The following GCN1 variants were observed in gnomAD, a reference collection of about 807,000 sequenced individuals.
The protein encoded by GCN1 is stalled ribosome sensor GCN1.
A neutral mutation model predicts 288.4 loss-of-function variants in GCN1; 90 were observed. The observed-to-expected ratio is 0.31, with a 90% confidence interval of 0.26 to 0.37. GCN1 has a LOEUF of 0.37. Among genes scored for constraint, GCN1 ranks in the 10% least tolerant of loss-of-function variants. The pLI is 1.00. For missense variants in GCN1, 2,586 were observed against 3,419.9 expected, an observed-to-expected ratio of 0.76 and a Z score of 6.08; for synonymous variants, 1,386 against 1,420.2, an observed-to-expected ratio of 0.98 and a Z score of 0.54.
intron 45 of GCN1, 54 bp from the exon 46 acceptor site, chr12:120,138,910 G>A: frequency 2.0e-6 from 3 of 1,519,586 alleles, no homozygotes; most frequent in South Asian, 2.4e-5. Flanking sequence ...AGAAGGAGCA[G>A]AAGCAGACAA....
chr12:120,149,547 TG>T, intron 36 of GCN1, 58 bp downstream of exon 36: 1 of 1,210,662 alleles, frequency 8.3e-7, no homozygotes, highest in Non-Finnish European at 1.2e-6. Context: ...CCAGGATCCT[TG>T]CTGAGGCTGG....
At chr12:120,178,590 T>C (rs1198393066) in intron 7 of GCN1, 35 bp downstream of exon 7, 23 of 1,612,322 alleles carry the variant, frequency 1.4e-5, no homozygotes, top group Non-Finnish European at 1.9e-5. Flanking sequence ...ATCCCCAACA[T>C]AGCAAACCCA....
intron 56 of GCN1, 65 bp from the exon 57 acceptor site, chr12:120,129,559 A>G: frequency 8.4e-7 from 1 of 1,189,910 alleles, no homozygotes. Flanking sequence ...AGCAGCCCAA[A>G]TGCCCAGCCT....
chr12:120,188,013 C>T lies in GCN1; in HGVS notation c.121+2285G>A, dbSNP rs532013161. ...GATAATCAGATATGCTCAGCATTTC[C>T]CAAAATGTGTTCCCCAGACCCTCAA... is the stretch of plus-strand genomic sequence containing the variant. On this transcript the variant is annotated intron_variant, in intron 2 of 57. Coordinates refer to ENST00000300648, the MANE Select transcript of GCN1 (RefSeq NM_006836.2). Among the ~76,000 whole-genome samples, 4 of 152,208 alleles carry T rather than the reference C, an allele frequency of 2.6e-5. No homozygotes were observed. The South Asian group carries it at 8.3e-4, about 32-fold the overall frequency.
Position 120,141,564 on chromosome 12 carries a change from G to A in GCN1, c.5830-541C>T, listed in dbSNP as rs761114212. Among the ~76,000 whole-genome samples, 5 of 152,264 alleles carry A rather than the reference G, an allele frequency of 3.3e-5. No homozygotes were observed. The East Asian group carries it at 7.7e-4, about 24-fold the overall frequency. On this transcript the variant is annotated intron_variant, in intron 44 of 57. Coordinates refer to ENST00000300648, the MANE Select transcript of GCN1 (RefSeq NM_006836.2). Reference sequence around the variant, plus strand: ...CTGATCTGTCTGCCCCTGCCAGCGCGCCAGCCTGATCTCATGCCGCACTGC... The same window carrying A: ...CTGATCTGTCTGCCCCTGCCAGCGCACCAGCCTGATCTCATGCCGCACTGC...
intron 1 of GCN1, among the ~76,000 whole-genome samples, chr12:120,193,226 C>A (rs1879063012): frequency 6.6e-6 from 1 of 152,184 alleles, no homozygotes; most frequent in Non-Finnish European, 1.5e-5. Flanking sequence ...GAAATATTCT[C>A]CTGCACCACC....
chr12:120,147,217 C>T lies in GCN1; in HGVS notation c.4782G>A (p.Lys1594=). Residue 1594 remains lysine (K), a synonymous_variant, in exon 38 of 58, where the codon AAG becomes AAA. Transcript: ENST00000300648. ...TGGTGTCCAGCAGGGTCTGCAAGCA[C>T]TTCTGGGTCTTCCTGGAGGGATCCG... ...ALTDPSRKTQ[K]CLQTLLDTKF... 2 of 1,613,080 alleles carry T rather than the reference C, an allele frequency of 1.2e-6. No individual in the cohort carries two copies. Among genetic ancestry groups the T allele is most frequent in the Non-Finnish European group, 1.7e-6 (2 of 1,179,218 alleles).
chr12:120,134,834 A>G lies in GCN1; in HGVS notation c.7009-108T>C. 1 of 934,648 alleles carries G rather than the reference A, an allele frequency of 1.1e-6. No individual in the cohort carries two copies. The highest frequency in any genetic ancestry group is 1.7e-6 in the Non-Finnish European group (1 of 594,906). The allele number at this position is 934,648 out of a possible 1,614,324, so 57.9% of individuals were successfully genotyped here. On this transcript the variant is annotated intron_variant, in intron 51 of 57. Transcript: ENST00000300648. This position sits in a 1 kb window ranked among gnomAD's most constrained non-coding sequence, Gnocchi z 5.0. ...AATCCCAAACCACCACAGCGAGTCC[A>G]GCTCTCATACAGGGCTGGGGACAGA...
At position 120,192,979 on chromosome 12, in the gene GCN1, T is replaced by C. The variant is rs572121676; in HGVS notation, c.18+1701A>G. Among the ~76,000 whole-genome samples the C allele has an allele frequency of 3.3e-5, 5 of 152,248 alleles. No individual in the cohort carries two copies. The South Asian group carries it at 1.0e-3, about 32-fold the overall frequency. On this transcript the variant is annotated intron_variant, in intron 1 of 57. Coordinates refer to ENST00000300648, the MANE Select transcript of GCN1 (RefSeq NM_006836.2). Reference sequence around the variant, plus strand: ...TGAACCTGGGAGGCAGAGGTTGCAGTGAGTTCAGATCGTGCCATTGCACTC... The same window carrying C: ...TGAACCTGGGAGGCAGAGGTTGCAGCGAGTTCAGATCGTGCCATTGCACTC...
intron 2 of GCN1, among the ~76,000 whole-genome samples, chr12:120,189,370 CTT>C (rs1278473363): frequency 1.4e-4 from 19 of 134,220 alleles, no homozygotes; most frequent in East Asian, 2.1e-4. Context: ...CACACCCAGG[CTT>C]TTTTTTTTTT....
At position 120,134,442 on chromosome 12, in the gene GCN1, C is replaced by T. The variant is rs750069195; in HGVS notation, c.7203-37G>A. Reference sequence around the variant, plus strand: ...ATGCACCGCCTTAAGCCCTGGGTGCCTCCACCACCACCCCTCCTGCCAGCG... The same window carrying T: ...ATGCACCGCCTTAAGCCCTGGGTGCTTCCACCACCACCCCTCCTGCCAGCG... On this transcript the variant is annotated intron_variant, in intron 52 of 57. Coordinates refer to ENST00000300648, the MANE Select transcript of GCN1 (RefSeq NM_006836.2). The surrounding 1 kb of genome is among the most constrained non-coding windows in gnomAD (Gnocchi z 5.0). 6.3e-7 allele frequency: 1 copy of T among 1,584,906 alleles called. No homozygotes were observed. Among genetic ancestry groups the T allele is most frequent in the South Asian group, 1.1e-5 (1 of 90,520 alleles).
Position 120,183,475 on chromosome 12 carries a change from C to A in GCN1, c.426+94G>T, listed in dbSNP as rs1878728916. ...TCAGAGTGTCTGGTCACCCAGCACC[C>A]AGAAAAGCACTTGGCACCAAGAAGG... On this transcript the variant is annotated intron_variant, in intron 5 of 57. Coordinates refer to ENST00000300648, the MANE Select transcript of GCN1 (RefSeq NM_006836.2). 23 of 819,500 alleles carry A rather than the reference C, an allele frequency of 2.8e-5. No individual in the cohort carries two copies. The South Asian group carries it at 3.2e-4, about 11-fold the overall frequency. 50.8% of individuals were successfully genotyped at this position (819,500 alleles called of 1,614,324 possible). A position where few individuals can be genotyped will look rare whatever the true frequency, so the allele number is the denominator to read the frequency against.
chr12:120,172,625 T>C (rs1213102059), intron 14 of GCN1, among the ~76,000 whole-genome samples: 5 of 152,104 alleles, frequency 3.3e-5, no homozygotes, highest in Non-Finnish European at 7.4e-5. Flanking sequence ...TTCTCCTGCC[T>C]CAGCCTCCCG....
At chr12:120,138,916 G>A (rs1877099418) in intron 45 of GCN1, 60 bp from the exon 46 acceptor site, 2 of 1,486,612 alleles carry the variant, frequency 1.3e-6, no homozygotes, top group African/African-American at 1.4e-5. Context: ...AGCAGAAGCA[G>A]ACAAGAAGCA....
chr12:120,149,959 A>T lies in GCN1; in HGVS notation c.4394T>A (p.Leu1465His). Residue 1465 changes from leucine (L) to histidine (H), a missense_variant, in exon 35 of 58, where the codon CTC becomes CAC. Leu to His is a moderately conservative substitution (Grantham distance 99, BLOSUM62 -3). Transcript: ENST00000300648. ...PYVVHVLPHL[L>H]LCFGDGNQYV... ...CTGGTTTCCATCCCCAAAGCACAGG[A>T]GCAGATGGGGCAGCACGTGAACCAC... 6.2e-7 allele frequency: 1 copy of T among 1,614,092 alleles called. No individual in the cohort carries two copies. Among genetic ancestry groups the T allele is most frequent in the Non-Finnish European group, 8.5e-7 (1 of 1,179,982 alleles).
intron 2 of GCN1, among the ~76,000 whole-genome samples, chr12:120,188,747 G>C (rs1315278556): frequency 6.6e-6 from 1 of 151,378 alleles, no homozygotes; most frequent in African/African-American, 2.4e-5. Flanking sequence ...TACTCCAGAG[G>C]CTGAGGCAGA....
intron 5 of GCN1, among the ~76,000 whole-genome samples, chr12:120,180,986 C>T (rs55749837): frequency 0.026 from 3,691 of 141,768 alleles, 155 homozygotes; most frequent in African/African-American, 0.092. Flanking sequence ...AGCGAGACTC[C>T]GTCTCAAAAA....
At position 120,134,620 on chromosome 12, in the gene GCN1, C is replaced by T. The variant is rs1876939661; in HGVS notation, c.7115G>A (p.Gly2372Glu). 6.2e-7 allele frequency: 1 copy of T among 1,614,090 alleles called. No homozygotes were observed. Among genetic ancestry groups the T allele is most frequent in the South Asian group, 1.1e-5 (1 of 91,072 alleles). Reference sequence around the variant, plus strand: ...CTTAATGTGGATGGAAATGAGCTTCCCCAGAGCATCTGCGGCCTTCAGGCG... The same window carrying T: ...CTTAATGTGGATGGAAATGAGCTTCTCCAGAGCATCTGCGGCCTTCAGGCG... ...GVRLKAADAL[G>E]KLISIHIKVD... Residue 2372 changes from glycine (G) to glutamate (E), a missense_variant, in exon 52 of 58, where the codon GGG becomes GAG. Coordinates refer to ENST00000300648, the MANE Select transcript of GCN1 (RefSeq NM_006836.2). This position sits in a 1 kb window ranked among gnomAD's most constrained non-coding sequence, Gnocchi z 5.0.
chr12:120,156,769 C>A lies in GCN1; in HGVS notation c.3168+143G>T, dbSNP rs1216344461. The A allele has an allele frequency of 2.3e-6, 2 of 883,652 alleles. No homozygotes were observed. Among genetic ancestry groups the A allele is most frequent in the African/African-American group, 1.6e-5 (1 of 60,616 alleles). 54.7% of individuals were successfully genotyped at this position (883,652 alleles called of 1,614,324 possible). A position where few individuals can be genotyped will look rare whatever the true frequency, so the allele number is the denominator to read the frequency against. On this transcript the variant is annotated intron_variant, in intron 27 of 57. Transcript: ENST00000300648. This position sits in a 1 kb window ranked among gnomAD's most constrained non-coding sequence, Gnocchi z 5.8. ...AAACCCCTCACTAGCTAACAACAGT[C>A]AGGCTGGCTCTCTAAAGCAGTCTTT...
Sources: gnomAD v4.1 joint callset for allele counts (sites outside exome capture counted in the v4.1 genomes callset) on GRCh38, gnomAD v4.1.1 for gene constraint, Gnocchi (gnomAD v3.1) non-coding constraint, MANE v1.5 for transcripts, NCBI Gene and HGNC (gene_info 2026-07-23, HGNC 2026-07-21) for gene names.